Variants in ADGB observed in about 807,000 individuals in gnomAD.
ADGB encodes the protein androglobin, also known as calpain-7-like protein.
In ADGB, 172 loss-of-function variants were observed where a neutral mutation model predicts 210.5. That is an observed-to-expected ratio of 0.82 (90% CI 0.72 to 0.93). The LOEUF is 0.93. Ranked by LOEUF, ADGB falls within the 40% of genes least tolerant of loss-of-function variation. The probability of loss-of-function intolerance (pLI) is 0.00; values close to 1 mark genes in which losing one functional copy is unlikely to be tolerated. For missense variants in ADGB, 2,025 were observed against 1,964.8 expected, an observed-to-expected ratio of 1.03 and a Z score of -0.58; for synonymous variants, 658 against 662.7, an observed-to-expected ratio of 0.99 and a Z score of 0.11.
chr6:146,649,975 A>G (rs1775677710), intron 3 of ADGB, among the ~76,000 whole-genome samples: 1 of 152,176 alleles, frequency 6.6e-6, no homozygotes, highest in Non-Finnish European at 1.5e-5. Flanking sequence ...TATATGTATT[A>G]TATATGTACA....
chr6:146,803,270 C>T (rs1778159192), intron 35 of ADGB: 8 of 1,602,172 alleles, frequency 5.0e-6, no homozygotes, highest in Admixed American at 1.7e-5. Context: ...CCTGAGAAAC[C>T]TCAGAAAAAA....
chr6:146,685,617 G>C (rs1008364032), intron 9 of ADGB, 117 bp from the exon 10 acceptor site: 1 of 485,230 alleles, frequency 2.1e-6, no homozygotes, highest in Non-Finnish European at 3.6e-6. Context: ...CATCCTTTAT[G>C]TATTTTTCAC....
At chr6:146,660,481 A>C (rs890929653) in intron 5 of ADGB, among the ~76,000 whole-genome samples, 2 of 152,124 alleles carry the variant, frequency 1.3e-5, no homozygotes, top group Non-Finnish European at 2.9e-5. Flanking sequence ...ACATACATAA[A>C]GCTATTGTAC....
chr6:146,603,496 T>G (rs1174618130), intron 1 of ADGB, among the ~76,000 whole-genome samples: 1 of 152,168 alleles, frequency 6.6e-6, no homozygotes, highest in African/African-American at 2.4e-5. Flanking sequence ...AATTTGATGT[T>G]TATACTTATA....
chr6:146,603,788 A>G (rs970558142), intron 1 of ADGB, among the ~76,000 whole-genome samples: 28 of 152,228 alleles, frequency 1.8e-4, no homozygotes, highest in African/African-American at 6.8e-4. Context: ...ATTTAATACA[A>G]TGAAAACAAC....
chr6:146,716,435 CA>C (rs1238177015), intron 14 of ADGB, among the ~76,000 whole-genome samples: 1 of 138,752 alleles, frequency 7.2e-6, no homozygotes, highest in African/African-American at 3.2e-5. Context: ...ACTAAAAATA[CA>C]AAAAAAATTA....
intron 3 of ADGB, among the ~76,000 whole-genome samples, chr6:146,645,839 A>T (rs972186395): frequency 3.3e-5 from 5 of 151,990 alleles, no homozygotes; most frequent in Admixed American, 1.3e-4. Context: ...ATGCCTACTT[A>T]TAAGATATTT....
At chr6:146,746,746 G>A (rs576022190) in intron 26 of ADGB, among the ~76,000 whole-genome samples, 3 of 151,862 alleles carry the variant, frequency 2.0e-5, no homozygotes, top group Admixed American at 6.6e-5. Context: ...CTTTGATAAC[G>A]TTCCATTGAC....
At chr6:146,625,594 T>C (rs1246122732) in intron 1 of ADGB, among the ~76,000 whole-genome samples, 1 of 152,078 alleles carries the variant, frequency 6.6e-6, no homozygotes, top group Non-Finnish European at 1.5e-5. Flanking sequence ...GTTCTTGCTC[T>C]GAGTTCACAT....
At chr6:146,743,085 A>G (rs1333676755) in intron 25 of ADGB, among the ~76,000 whole-genome samples, 6 of 152,200 alleles carry the variant, frequency 3.9e-5, no homozygotes, top group Non-Finnish European at 8.8e-5. Context: ...ACACACCAGT[A>G]GATGATTTTT....
chr6:146,659,919 C>G (rs1775832265), intron 5 of ADGB, among the ~76,000 whole-genome samples: 1 of 152,122 alleles, frequency 6.6e-6, no homozygotes, highest in Non-Finnish European at 1.5e-5. Flanking sequence ...TTCTGATAAA[C>G]AGAGAAAACA....
chr6:146,632,420 T>A (rs1424458628), intron 1 of ADGB, among the ~76,000 whole-genome samples: 2 of 152,160 alleles, frequency 1.3e-5, no homozygotes, highest in Admixed American at 6.6e-5. Flanking sequence ...TCCAGGATAA[T>A]CTCCCCATCT....
At chr6:146,672,740 T>TTG (rs1209437632) in intron 8 of ADGB, among the ~76,000 whole-genome samples, 1 of 151,318 alleles carries the variant, frequency 6.6e-6, no homozygotes, top group African/African-American at 2.4e-5. Context: ...TTTTTTTTTT[T>TTG]TCTTTTTGGG....
At chr6:146,808,014 T>C (rs1778238969) in intron 35 of ADGB, among the ~76,000 whole-genome samples, 1 of 145,708 alleles carries the variant, frequency 6.9e-6, no homozygotes, top group Admixed American at 6.8e-5. Context: ...TTTTTTTTTT[T>C]CTGGAGACTG....
intron 7 of ADGB, among the ~76,000 whole-genome samples, chr6:146,671,858 G>A (rs1397361838): frequency 1.3e-5 from 2 of 152,054 alleles, no homozygotes; most frequent in Non-Finnish European, 2.9e-5. Context: ...AATAAGATAA[G>A]GACCTTCTAC....
chr6:146,609,983 C>T (rs567442874), intron 1 of ADGB, among the ~76,000 whole-genome samples: 1 of 152,164 alleles, frequency 6.6e-6, no homozygotes, highest in South Asian at 2.1e-4. Flanking sequence ...GACTATATAA[C>T]TTGGGGATGG....
intron 7 of ADGB, among the ~76,000 whole-genome samples, chr6:146,667,470 T>C (rs181281706): frequency 6.6e-4 from 100 of 152,138 alleles, no homozygotes; most frequent in African/African-American, 2.2e-3. Flanking sequence ...ATCTTGCTTT[T>C]AGGCAAATAG....
At chr6:146,812,897 G>T (rs1195558970) in intron 35 of ADGB, among the ~76,000 whole-genome samples, 2 of 152,184 alleles carry the variant, frequency 1.3e-5, no homozygotes, top group Non-Finnish European at 2.9e-5. Context: ...TTGACACAAG[G>T]TTGTGAAGAA....
At chr6:146,746,889 AT>A (rs1422972361) in intron 26 of ADGB, among the ~76,000 whole-genome samples, 1 of 152,098 alleles carries the variant, frequency 6.6e-6, no homozygotes, top group Non-Finnish European at 1.5e-5. Context: ...TTGCTCGAGC[AT>A]TTCCTCTTGT....
Sources: gnomAD v4.1 joint callset for allele counts (sites outside exome capture counted in the v4.1 genomes callset) on GRCh38, gnomAD v4.1.1 for gene constraint, MANE v1.5 for transcripts, NCBI Gene and HGNC (gene_info 2026-07-23, HGNC 2026-07-21) for gene names.